The following SAXO1 variants were observed in gnomAD, a reference collection of about 807,000 sequenced individuals.
SAXO1 encodes the protein 4930500O09Rik.
A neutral mutation model predicts 17.5 loss-of-function variants in SAXO1; 21 were observed. That is an observed-to-expected ratio of 1.20 (90% CI 0.85 to 1.72). The LOEUF (loss-of-function observed/expected upper bound fraction) is 1.72, where lower values mean the gene tolerates loss of function less well. SAXO1 is among the 40% of genes most tolerant of loss of function. The pLI is 0.00. For synonymous variants in SAXO1, 274 were observed against 216.5 expected (o/e 1.27, Z -2.33); for missense variants, 843 against 596.0 (o/e 1.41, Z -4.32).
chr9:18,961,516 T>A (rs373879925), intron 1 of SAXO1, among the ~76,000 whole-genome samples: 2 of 150,272 alleles, frequency 1.3e-5, no homozygotes, highest in African/African-American at 4.9e-5. Context: ...GACCCCAGTG[T>A]GTGATGTTCC....
Position 18,927,899 on chromosome 9 carries a change from G to T in SAXO1, c.*153C>A, listed in dbSNP as rs1830831352. 5.1e-6 allele frequency: 4 copies of T among 784,492 alleles called. No homozygotes were observed. Among genetic ancestry groups the T allele is most frequent in the Non-Finnish European group, 7.8e-6 (4 of 515,148 alleles). 48.6% of individuals were successfully genotyped at this position (784,492 alleles called of 1,614,324 possible). On this transcript the variant is annotated 3_prime_UTR_variant, in exon 4 of 4. Transcript: ENST00000380534. ...AAATGTCATTTTCCCTGAGTCAAGTGATTCTCATTTTATTCAAGTGCTCTG... is the reference window on the plus strand; with the variant it reads ...AAATGTCATTTTCCCTGAGTCAAGTTATTCTCATTTTATTCAAGTGCTCTG...
intron 1 of SAXO1, among the ~76,000 whole-genome samples, chr9:18,954,774 T>A (rs1832187028): frequency 6.6e-6 from 1 of 152,166 alleles, no homozygotes; most frequent in African/African-American, 2.4e-5. Flanking sequence ...TAGGCGTCTA[T>A]CACTTCCAAA....
intron 1 of SAXO1, among the ~76,000 whole-genome samples, chr9:19,023,355 C>T (rs966314153): frequency 6.6e-6 from 1 of 152,130 alleles, no homozygotes; most frequent in Non-Finnish European, 1.5e-5. Context: ...ATAACATCTA[C>T]CTATGCCTTA....
rs1439303191 is a variant in SAXO1, at chr9:18,928,651, C to G, written c.826G>C (p.Asp276His). The change falls in exon 4 of 4, where the codon GAT (aspartate) becomes CAT (histidine). Residue 276 changes from aspartate to histidine, a missense_variant. By Grantham distance (81) the Asp-to-His change is moderately conservative (BLOSUM62 -1). Coordinates refer to ENST00000380534, the MANE Select transcript of SAXO1 (RefSeq NM_153707.4). ...GGCATTGGCCAAGCTTGGTACTTAT[C>G]TCGAAACTCAGTGGTGTTACAGAAA... ...MPFCNTTEFR[D>H]KYQAWPMPRM... is the part of the protein sequence containing the mutation. The G allele has an allele frequency of 3.1e-6, 5 of 1,613,986 alleles. No individual in the cohort carries two copies. The African/African-American group carries it at 5.3e-5, about 17-fold the overall frequency.
intron 1 of SAXO1, among the ~76,000 whole-genome samples, chr9:18,982,226 G>C (rs1484198337): frequency 2.0e-5 from 3 of 152,174 alleles, no homozygotes; most frequent in South Asian, 2.1e-4. Context: ...CAAATCTAGA[G>C]ATAATGCAAA....
chr9:19,004,202 T>G (rs1441253787), intron 1 of SAXO1, among the ~76,000 whole-genome samples: 1 of 152,192 alleles, frequency 6.6e-6, no homozygotes, highest in Non-Finnish European at 1.5e-5. Context: ...TCATGTCAGT[T>G]AGAATGGTGT....
chr9:18,928,646 C>G lies in SAXO1; in HGVS notation c.831G>C (p.Lys277Asn), dbSNP rs756324526. ...PFCNTTEFRD[K>N]YQAWPMPRMF... The stretch of plus-strand genomic sequence containing the variant: ...TCCGGGGCATTGGCCAAGCTTGGTA[C>G]TTATCTCGAAACTCAGTGGTGTTAC... Residue 277 changes from lysine (K) to asparagine (N), a missense_variant, in exon 4 of 4, where the codon AAG becomes AAC. By Grantham distance (94) the Lys-to-Asn change is moderately conservative. Coordinates refer to ENST00000380534, the MANE Select transcript of SAXO1 (RefSeq NM_153707.4). The G allele has an allele frequency of 5.0e-6, 8 of 1,613,978 alleles. No homozygotes were observed. Among genetic ancestry groups the G allele is most frequent in the Non-Finnish European group, 6.8e-6 (8 of 1,180,038 alleles).
intron 2 of SAXO1, among the ~76,000 whole-genome samples, chr9:18,948,155 G>A (rs1020018991): frequency 2.6e-5 from 4 of 152,192 alleles, no homozygotes; most frequent in African/African-American, 9.6e-5. Flanking sequence ...TCCCCTGTAA[G>A]CCTCTAGGGG....
intron 3 of SAXO1, among the ~76,000 whole-genome samples, chr9:18,931,886 T>A (rs551101932): frequency 3.7e-4 from 56 of 152,338 alleles, no homozygotes; most frequent in Non-Finnish European, 6.9e-4. Flanking sequence ...AGTTATAGAA[T>A]TCTTTGCATG....
intron 1 of SAXO1, among the ~76,000 whole-genome samples, chr9:18,984,679 G>A (rs1310817903): frequency 1.3e-5 from 2 of 152,182 alleles, no homozygotes; most frequent in African/African-American, 2.4e-5. Context: ...TGGGTGTTAG[G>A]CTTTGGCTTA....
intron 3 of SAXO1, among the ~76,000 whole-genome samples, chr9:18,930,046 T>C (rs559178987): frequency 6.6e-6 from 1 of 152,356 alleles, no homozygotes; most frequent in South Asian, 2.1e-4. Context: ...AAAAGTCACA[T>C]GGCTAGTGAG....
chr9:18,955,719 G>T (rs10963863), intron 1 of SAXO1, among the ~76,000 whole-genome samples: 82,872 of 151,758 alleles, frequency 0.55, 26,297 homozygotes, highest in Non-Finnish European at 0.71. Flanking sequence ...TATGCACTTG[G>T]AACACTAGCT....
At chr9:19,004,285 G>A (rs1435767958) in intron 1 of SAXO1, among the ~76,000 whole-genome samples, 1 of 152,188 alleles carries the variant, frequency 6.6e-6, no homozygotes, top group Non-Finnish European at 1.5e-5. Context: ...CACTGTTGGT[G>A]GGAATGTAAA....
rs893514404 is a variant in SAXO1 at position 18,968,600 on chromosome 9, T to TTTG, written c.39-17664_39-17663insCAA. On this transcript the variant is annotated intron_variant, in intron 1 of 3. Coordinates refer to ENST00000380534, the MANE Select transcript of SAXO1 (RefSeq NM_153707.4). ...GTTAAGAAAATGTCCCCCTTTTTGT[T>TTTG]TTTTTTTTTTGAGACGCAGTTTCAC... is the stretch of plus-strand genomic sequence containing the variant. Among the ~76,000 whole-genome samples, 13 of 24,922 alleles carry TTTG rather than the reference T, an allele frequency of 5.2e-4. 1 individual carries two copies. Among genetic ancestry groups the TTTG allele is most frequent in the Admixed American group, 1.3e-3 (2 of 1,488 alleles). The allele number at this position is 24,922 out of a possible 152,430, so 16.3% of individuals were successfully genotyped here. A position where few individuals can be genotyped will look rare whatever the true frequency, so the allele number is the denominator to read the frequency against.
At chr9:18,966,724 C>T (rs532987870) in intron 1 of SAXO1, among the ~76,000 whole-genome samples, 9 of 152,284 alleles carry the variant, frequency 5.9e-5, no homozygotes, top group East Asian at 3.9e-4. Context: ...TATTATTCAC[C>T]TTCTGAAGCC....
intron 1 of SAXO1, among the ~76,000 whole-genome samples, chr9:18,975,259 T>G (rs1833100037): frequency 1.1e-5 from 1 of 87,438 alleles, no homozygotes; most frequent in Admixed American, 1.1e-4. Context: ...GAGTGCAGGC[T>G]GGGGAAGGAT....
chr9:19,007,443 C>T (rs181139240), intron 1 of SAXO1, among the ~76,000 whole-genome samples: 1 of 152,268 alleles, frequency 6.6e-6, no homozygotes, highest in Non-Finnish European at 1.5e-5. Flanking sequence ...TTTTAAAATA[C>T]GGACTTTTTG....
chr9:18,933,918 C>T (rs1489087255), intron 3 of SAXO1, among the ~76,000 whole-genome samples: 4 of 152,022 alleles, frequency 2.6e-5, no homozygotes, highest in Non-Finnish European at 5.9e-5. Context: ...TAGTGGCGGG[C>T]GCCTGTAGTC....
chr9:18,995,240 C>G (rs1218053213), intron 1 of SAXO1, among the ~76,000 whole-genome samples: 1 of 152,210 alleles, frequency 6.6e-6, no homozygotes, highest in African/African-American at 2.4e-5. Flanking sequence ...CTTAAGTACA[C>G]AGGATTATTC....
Sources: gnomAD v4.1 joint callset for allele counts (sites outside exome capture counted in the v4.1 genomes callset) on GRCh38, gnomAD v4.1.1 for gene constraint, MANE v1.5 for transcripts, NCBI Gene and HGNC (gene_info 2026-07-23, HGNC 2026-07-21) for gene names.